RAP1A: variants seen among roughly 807,000 people sequenced by gnomAD.
RAP1A encodes RAP1A, member of RAS oncogene family, also known as ras-related protein Rap-1A.
Under a neutral mutation model 26.4 loss-of-function variants are expected in RAP1A, and 6 were observed. The observed-to-expected ratio is 0.23, with a 90% CI of 0.12 to 0.45. The LOEUF (loss-of-function observed/expected upper bound fraction) is 0.45, where lower values mean the gene tolerates loss of function less well. Among genes scored for constraint, RAP1A ranks in the 20% least tolerant of loss-of-function variants. The probability of loss-of-function intolerance (pLI) is 0.99; values close to 1 mark genes in which losing one functional copy is unlikely to be tolerated. For synonymous variants in RAP1A, 73 were observed against 79.4 expected (o/e 0.92, Z 0.43); for missense variants, 121 against 217.2 (o/e 0.56, Z 2.78).
At chr1:111,683,585 C>A (rs1246495472) in intron 1 of RAP1A, among the ~76,000 whole-genome samples, 1 of 152,168 alleles carries the variant, frequency 6.6e-6, no homozygotes, top group Non-Finnish European at 1.5e-5. Context: ...TTCCTGGATA[C>A]ATATACCCTC....
chr1:111,646,713 G>T (rs1184123808), intron 1 of RAP1A, among the ~76,000 whole-genome samples: 1 of 152,020 alleles, frequency 6.6e-6, no homozygotes, highest in Non-Finnish European at 1.5e-5. Context: ...GCTAATTTTT[G>T]TATTTTTAGT....
At chr1:111,609,100 A>G (rs1232578682) in intron 1 of RAP1A, among the ~76,000 whole-genome samples, 2 of 152,202 alleles carry the variant, frequency 1.3e-5, no homozygotes, top group East Asian at 3.8e-4. Flanking sequence ...CTATTTAGGC[A>G]ATTACAGCTC....
In RAP1A at chr1:111,653,452, C is replaced by T. The variant is rs1015159739; in HGVS notation, c.-28+33518C>T. Among the ~76,000 whole-genome samples, 185 of 152,016 alleles carry T rather than the reference C, an allele frequency of 1.2e-3. 2 individuals carry two copies. Among genetic ancestry groups the T allele is most frequent in the Admixed American group, 2.0e-3 (30 of 15,274 alleles). ...ATCCCAGCACTTTGGGAGGCTGAGG[C>T]GGGCGGATCACCTGAGGTTGGGAGT... On this transcript the variant is annotated intron_variant, in intron 1 of 7. Transcript: ENST00000369709.
At chr1:111,703,834 G>T (rs1454193873) in intron 5 of RAP1A, among the ~76,000 whole-genome samples, 1 of 152,134 alleles carries the variant, frequency 6.6e-6, no homozygotes, top group African/African-American at 2.4e-5. Flanking sequence ...ATCCATAGTG[G>T]TGTGTTTTTA....
rs540378956 is a variant in RAP1A, at chr1:111,629,009, A to G, written c.-28+9075A>G. ...TGGTTAACAGGATATCCTCGCTTTT[A>G]GACTTTGTATTTCTGGAGCTATTAC... On this transcript the variant is annotated intron_variant, in intron 1 of 7. Coordinates refer to ENST00000369709, the MANE Select transcript of RAP1A (RefSeq NM_002884.4). Among the ~76,000 whole-genome samples, 4 of 152,264 alleles carry G rather than the reference A, an allele frequency of 2.6e-5. No individual in the cohort carries two copies. The East Asian group carries it at 5.8e-4, about 22-fold the overall frequency.
intron 1 of RAP1A, chr1:111,563,868 C>A (rs758620774): frequency 2.5e-6 from 4 of 1,613,318 alleles, no homozygotes; most frequent in Non-Finnish European, 3.4e-6. Flanking sequence ...CTCAAGCAGC[C>A]CAGTGTCCAG....
intron 1 of RAP1A, among the ~76,000 whole-genome samples, chr1:111,680,247 A>T (rs1052998487): frequency 2.6e-5 from 4 of 152,190 alleles, no homozygotes; most frequent in African/African-American, 9.7e-5. Context: ...AAGATTTATT[A>T]TGAAGAGCGA....
intron 1 of RAP1A, among the ~76,000 whole-genome samples, chr1:111,680,370 C>A (rs1167549320): frequency 1.3e-5 from 2 of 152,180 alleles, no homozygotes; most frequent in African/African-American, 4.8e-5. Flanking sequence ...CTGATTGGTC[C>A]ATTTTACAGA....
chr1:111,712,271 A>G (rs1390828393), intron 7 of RAP1A, among the ~76,000 whole-genome samples, 160 bp from the exon 8 acceptor site: 1 of 152,186 alleles, frequency 6.6e-6, no homozygotes, highest in East Asian at 1.9e-4. Flanking sequence ...AATTTAAAAT[A>G]GCACTGTTAC....
intron 1 of RAP1A, among the ~76,000 whole-genome samples, chr1:111,639,925 A>G (rs956957948): frequency 6.6e-6 from 1 of 152,260 alleles, no homozygotes; most frequent in Non-Finnish European, 1.5e-5. Context: ...ATGAAAATTA[A>G]CATCACAATG....
intron 1 of RAP1A, among the ~76,000 whole-genome samples, chr1:111,544,408 C>G (rs1254503613): frequency 6.6e-6 from 1 of 152,168 alleles, no homozygotes; most frequent in Non-Finnish European, 1.5e-5. Flanking sequence ...CAATCTGTCT[C>G]TATGGATTTG....
At chr1:111,551,697 T>C (rs1657263755) in intron 1 of RAP1A, among the ~76,000 whole-genome samples, 1 of 152,140 alleles carries the variant, frequency 6.6e-6, no homozygotes, top group African/African-American at 2.4e-5. Flanking sequence ...ATCTATGTAG[T>C]TATCATTACC....
chr1:111,560,386 C>T (rs1571468511), intron 1 of RAP1A, among the ~76,000 whole-genome samples: 1 of 151,710 alleles, frequency 6.6e-6, no homozygotes, highest in East Asian at 1.9e-4. Flanking sequence ...CTGATATTCA[C>T]TAAGTTCTTA....
chr1:111,648,461 A>C (rs1349388357), intron 1 of RAP1A: 1 of 551,698 alleles, frequency 1.8e-6, no homozygotes, highest in African/African-American at 1.9e-5. Flanking sequence ...CTCAGCCTCT[A>C]GTTTGACCTT....
In RAP1A at chr1:111,716,059, C is replaced by T. The variant is rs1198164139; in HGVS notation, c.*3658C>T. ...TGAAACCAAAGTGTGAAGAAATTGT[C>T]AGGTATTTGGAGGAGGAAAATAATT... On this transcript the variant is annotated 3_prime_UTR_variant, in exon 8 of 8. Coordinates refer to ENST00000369709, the MANE Select transcript of RAP1A (RefSeq NM_002884.4). 1 of 152,182 alleles carries T rather than the reference C, an allele frequency of 6.6e-6. No homozygotes were observed. The highest frequency in any genetic ancestry group is 1.5e-5 in the Non-Finnish European group (1 of 68,016). 9.4% of individuals were successfully genotyped at this position (152,182 alleles called of 1,614,324 possible).
At chr1:111,617,289 A>G (rs959689225), upstream of RAP1A, among the ~76,000 whole-genome samples, 1 of 151,872 alleles carries the variant, frequency 6.6e-6, no homozygotes, top group Non-Finnish European at 1.5e-5. Flanking sequence ...GCACCCAGAC[A>G]CTCTACCTTC....
intron 1 of RAP1A, among the ~76,000 whole-genome samples, chr1:111,678,324 T>C (rs1182493673): frequency 1.3e-5 from 2 of 152,242 alleles, no homozygotes; most frequent in Non-Finnish European, 2.9e-5. Flanking sequence ...GTCTTGCACA[T>C]ATTTTGCTAA....
chr1:111,648,194 T>C, intron 1 of RAP1A: 2 of 333,996 alleles, frequency 6.0e-6, no homozygotes, highest in Non-Finnish European at 1.1e-5. Context: ...TGTGTGTGTG[T>C]GTGTGTGTGT....
intron 1 of RAP1A, among the ~76,000 whole-genome samples, chr1:111,575,986 T>G (rs1658140650): frequency 6.6e-6 from 1 of 152,182 alleles, no homozygotes; most frequent in Non-Finnish European, 1.5e-5. Context: ...TCAGTAGAAT[T>G]ATTTTTCTAC....
Sources: allele counts gnomAD v4.1 joint callset (sites outside exome capture counted in the v4.1 genomes callset), GRCh38; gene constraint gnomAD v4.1.1; transcripts MANE v1.5; gene names NCBI Gene and HGNC (gene_info 2026-07-23, HGNC 2026-07-21).